MIB1: variants seen among roughly 807,000 people sequenced by gnomAD.
The protein encoded by MIB1 is E3 ubiquitin-protein ligase MIB1.
In MIB1, 278 loss-of-function variants were observed where a neutral mutation model predicts 124.5. The observed-to-expected ratio is 2.23, with a 90% CI of 2.02 to 2.47. The LOEUF (loss-of-function observed/expected upper bound fraction) is 2.47, where lower values mean the gene tolerates loss of function less well. MIB1 is among the 30% of genes most tolerant of loss of function. The probability of loss-of-function intolerance (pLI) is 0.00; values close to 1 mark genes in which losing one functional copy is unlikely to be tolerated. For synonymous variants in MIB1, 446 were observed against 429.4 expected (o/e 1.04, Z -0.48); for missense variants, 957 against 1,254.4 (o/e 0.76, Z 3.58).
chr18:21,799,482 G>A (rs1040183932), intron 8 of MIB1, among the ~76,000 whole-genome samples: 1 of 151,994 alleles, frequency 6.6e-6, no homozygotes, highest in Non-Finnish European at 1.5e-5. Flanking sequence ...AGTCACTGTA[G>A]TGTCCTTAAA....
chr18:21,713,590 G>A (rs1162653445), intron 1 of MIB1, among the ~76,000 whole-genome samples: 1 of 140,652 alleles, frequency 7.1e-6, no homozygotes, highest in Non-Finnish European at 1.5e-5. Flanking sequence ...TCCAGCCCGG[G>A]CGACAGAGCA....
intron 10 of MIB1, among the ~76,000 whole-genome samples, chr18:21,804,528 TATAAA>T (rs758817497): frequency 4.6e-5 from 7 of 152,254 alleles, no homozygotes; most frequent in Non-Finnish European, 1.0e-4. Context: ...AATATATTCT[TATAAA>T]AGAGAAACAC....
At chr18:21,860,876 A>T (rs1330587253) in intron 20 of MIB1, among the ~76,000 whole-genome samples, 1 of 152,120 alleles carries the variant, frequency 6.6e-6, no homozygotes, top group Non-Finnish European at 1.5e-5. Context: ...CTCTACAAAA[A>T]TTTTTAAAAT....
intron 15 of MIB1, among the ~76,000 whole-genome samples, chr18:21,844,870 G>T (rs1408347133): frequency 6.6e-6 from 1 of 152,156 alleles, no homozygotes; most frequent in Non-Finnish European, 1.5e-5. Context: ...TGAAGTGTCT[G>T]CTCAAATCTT....
At position 21,854,059 on chromosome 18, in the gene MIB1, C is replaced by T. The variant is rs2042205206; in HGVS notation, c.2665+841C>T. On this transcript the variant is annotated intron_variant, in intron 18 of 20. Transcript: ENST00000261537. Reference sequence around the variant, plus strand: ...AAAATTCCAATAGGCAGCTGGTCAACTAAAGAAAGGGTGAACGTTTTCTTC... The same window carrying T: ...AAAATTCCAATAGGCAGCTGGTCAATTAAAGAAAGGGTGAACGTTTTCTTC... Among the ~76,000 whole-genome samples the T allele has an allele frequency of 2.2e-5, 3 of 139,172 alleles. No homozygotes were observed. In the South Asian group the frequency reaches 7.3e-4, roughly 34 times the overall value. 91.3% of individuals were successfully genotyped at this position (139,172 alleles called of 152,430 possible).
intron 10 of MIB1, among the ~76,000 whole-genome samples, chr18:21,815,184 A>G (rs956056516): frequency 6.6e-6 from 1 of 150,790 alleles, no homozygotes; most frequent in Non-Finnish European, 1.5e-5. Context: ...AAATTTTTTT[A>G]TAGAGACAGG....
At chr18:21,810,225 T>C (rs1378370813) in intron 10 of MIB1, among the ~76,000 whole-genome samples, 2 of 151,988 alleles carry the variant, frequency 1.3e-5, no homozygotes, top group South Asian at 2.1e-4. Context: ...CTACAAAATA[T>C]TGCTGAAAGA....
chr18:21,732,852 G>A (rs1238094125), intron 1 of MIB1, among the ~76,000 whole-genome samples: 1 of 152,218 alleles, frequency 6.6e-6, no homozygotes, highest in African/African-American at 2.4e-5. Flanking sequence ...TAGAAACACT[G>A]TTGTGGTGGA....
intron 2 of MIB1, among the ~76,000 whole-genome samples, chr18:21,767,548 A>T (rs968681191): frequency 6.7e-6 from 1 of 148,332 alleles, no homozygotes; most frequent in Non-Finnish European, 1.5e-5. Context: ...AATAATGGCT[A>T]TTTTTTTTTT....
At chr18:21,707,731 C>T (rs1402622077) in intron 1 of MIB1, among the ~76,000 whole-genome samples, 1 of 152,168 alleles carries the variant, frequency 6.6e-6, no homozygotes, top group African/African-American at 2.4e-5. Context: ...ACCAAGAACC[C>T]ACTAATTCTG....
chr18:21,783,582 A>G (rs2041397227), intron 6 of MIB1, among the ~76,000 whole-genome samples: 1 of 151,372 alleles, frequency 6.6e-6, no homozygotes, highest in Non-Finnish European at 1.5e-5. Context: ...GTTCATTTAC[A>G]TTCATTGTTG....
chr18:21,783,775 C>A (rs564761432), intron 6 of MIB1, among the ~76,000 whole-genome samples: 316 of 151,774 alleles, frequency 2.1e-3, no homozygotes, highest in African/African-American at 7.3e-3. Context: ...GAGACAAGGT[C>A]TCACTCTGTC....
chr18:21,785,297 G>T (rs986189870), intron 6 of MIB1, among the ~76,000 whole-genome samples: 1 of 152,102 alleles, frequency 6.6e-6, no homozygotes, highest in Admixed American at 6.5e-5. Flanking sequence ...CGTCTTGGTG[G>T]TAGTGGTACC....
In MIB1 at chr18:21,768,674, C is replaced by G. The variant is rs766555348; in HGVS notation, c.453C>G (p.Ile151Met). The change falls in exon 3 of 21, where the codon ATC (isoleucine) becomes ATG (methionine). Residue 151 changes from isoleucine (I) to methionine (M), a missense_variant. By Grantham distance (10) the Ile-to-Met change is conservative. Transcript: ENST00000261537. The part of the protein sequence containing the change: ...RKSKKITARG[I>M]FAGARVVRGV... ...CTAAGAAGATTACAGCCAGAGGAAT[C>G]TTTGCAGGTGCCAGAGTGGTGCGAG... The G allele has an allele frequency of 6.2e-7, 1 of 1,604,738 alleles. No homozygotes were observed. Among genetic ancestry groups the G allele is most frequent in the South Asian group, 1.1e-5 (1 of 89,230 alleles).
chr18:21,745,683 C>T (rs1264334740), intron 1 of MIB1, among the ~76,000 whole-genome samples: 1 of 150,328 alleles, frequency 6.7e-6, no homozygotes, highest in Non-Finnish European at 1.5e-5. Flanking sequence ...TAAACACACA[C>T]ACACACACAC....
In MIB1 at chr18:21,860,098, C is replaced by CTTTTTTTTTTTTTTTTTTTTTTTT. The variant is rs398032096; in HGVS notation, c.2880+1456_2880+1479dup. On this transcript the variant is annotated intron_variant, in intron 20 of 20. Transcript: ENST00000261537. ...GTGTTGGTTATGTTGTTCTTTATGTCTTTTTTTTTTTTTTTTTTTTTTTTT... is the reference window on the plus strand; with the variant it reads ...GTGTTGGTTATGTTGTTCTTTATGTCTTTTTTTTTTTTTTTTTTTTTTTTTTTTTTTTTTTTTTTTTTTTTTTTT... Among the ~76,000 whole-genome samples the CTTTTTTTTTTTTTTTTTTTTTTTT allele has an allele frequency of 1.1e-4, 3 of 26,462 alleles. 1 individual carries two copies. Among genetic ancestry groups the CTTTTTTTTTTTTTTTTTTTTTTTT allele is most frequent in the African/African-American group, 3.7e-4 (3 of 8,208 alleles). 17.4% of individuals were successfully genotyped at this position (26,462 alleles called of 152,430 possible). A position where few individuals can be genotyped will look rare whatever the true frequency, so the allele number is the denominator to read the frequency against.
At position 21,858,612 on chromosome 18, in the gene MIB1, AG is replaced by A; in HGVS notation, c.2847del (p.Lys949AsnfsTer19). ...DNTNVNADVQ[K>X]LQQQLQDIKE... ...ACCAATGTCAATGCAGATGTGCAAA[AG>A]TTGCAGCAACAGTTACAAGACATTA... On this transcript the variant is annotated frameshift_variant, in exon 20 of 21. Transcript: ENST00000261537. LOFTEE classifies it high-confidence loss of function. 6.2e-7 allele frequency: 1 copy of A among 1,601,868 alleles called. No homozygotes were observed. The highest frequency in any genetic ancestry group is 1.1e-5 in the South Asian group (1 of 90,730).
chr18:21,815,576 TA>T, intron 10 of MIB1, 39 bp from the exon 11 acceptor site: 1 of 1,553,106 alleles, frequency 6.4e-7, no homozygotes, highest in Non-Finnish European at 8.8e-7. Flanking sequence ...TTTTTCTTTC[TA>T]AAATATTCAC....
rs544080250 is a variant in MIB1 at position 21,857,989 on chromosome 18, A to G, written c.2780-557A>G. 6.6e-5 allele frequency among the ~76,000 whole-genome samples: 10 copies of G among 152,346 alleles called. No individual in the cohort carries two copies. The East Asian group carries it at 1.9e-3, about 29-fold the overall frequency. The stretch of plus-strand genomic sequence containing the variant: ...AAGACCAAGAATCTAGAGAATAGGA[A>G]AAGTGAAATCAAAGATTTCCCTCCA... On this transcript the variant is annotated intron_variant, in intron 19 of 20. Transcript: ENST00000261537.
Sources: allele counts gnomAD v4.1 joint callset (sites outside exome capture counted in the v4.1 genomes callset), GRCh38; gene constraint gnomAD v4.1.1; transcripts MANE v1.5; gene names NCBI Gene and HGNC (gene_info 2026-07-23, HGNC 2026-07-21).